Variants in CACNB2 observed in about 807,000 individuals in gnomAD.
CACNB2 encodes voltage-dependent L-type calcium channel subunit beta-2.
Under a neutral mutation model 73.3 loss-of-function variants are expected in CACNB2, and 42 were observed. That is an observed-to-expected ratio of 0.57 (90% CI 0.45 to 0.74). The LOEUF (loss-of-function observed/expected upper bound fraction) is 0.74. CACNB2 is among the 30% of genes least tolerant of loss of function. The probability of loss-of-function intolerance (pLI) is 0.00; values close to 1 mark genes in which losing one functional copy is unlikely to be tolerated. For synonymous variants in CACNB2, 348 were observed against 310.3 expected, an observed-to-expected ratio of 1.12 and a Z score of -1.28; for missense variants, 940 against 853.0, an observed-to-expected ratio of 1.10 and a Z score of -1.27.
chr10:18,168,493 TTC>T (rs2033016137), intron 2 of CACNB2, among the ~76,000 whole-genome samples: 2 of 136,006 alleles, frequency 1.5e-5, no homozygotes, highest in Non-Finnish European at 3.2e-5. Context: ...TCTTTCTTCC[TTC>T]TTTGTGTGTG....
At chr10:18,321,152 G>A (rs1232438171) in intron 2 of CACNB2, among the ~76,000 whole-genome samples, 1 of 152,186 alleles carries the variant, frequency 6.6e-6, no homozygotes, top group African/African-American at 2.4e-5. Context: ...AGGACTTCTG[G>A]TGCATCCCTG....
intron 3 of CACNB2, among the ~76,000 whole-genome samples, chr10:18,414,150 G>A (rs1373900705): frequency 1.3e-5 from 2 of 152,340 alleles, no homozygotes; most frequent in East Asian, 1.9e-4. Context: ...TGCCATGGCA[G>A]GTCAGGTTGC....
chr10:18,498,595 AAC>A lies in CACNB2; in HGVS notation c.456+124_456+125del. 3.1e-6 allele frequency: 3 copies of A among 977,748 alleles called. No homozygotes were observed. In the South Asian group the frequency reaches 3.9e-5, roughly 13 times the overall value. 60.6% of individuals were successfully genotyped at this position (977,748 alleles called of 1,614,324 possible). A position where few individuals can be genotyped will look rare whatever the true frequency, so the allele number is the denominator to read the frequency against. On this transcript the variant is annotated intron_variant, in intron 4 of 13. Coordinates refer to ENST00000324631, the MANE Select transcript of CACNB2 (RefSeq NM_201596.3). ...GCATTGCACATCGCTGCAGTTGTAT[AAC>A]ACACATAACTAAATCAATGGCTCTC...
At chr10:18,159,652 T>C (rs1410041615) in intron 2 of CACNB2, among the ~76,000 whole-genome samples, 3 of 152,212 alleles carry the variant, frequency 2.0e-5, no homozygotes, top group Admixed American at 1.3e-4. Context: ...TTAGTTCAAA[T>C]TGGCTTTAAA....
intron 3 of CACNB2, among the ~76,000 whole-genome samples, chr10:18,474,584 G>C (rs1275902261): frequency 3.9e-5 from 6 of 152,088 alleles, no homozygotes; most frequent in Non-Finnish European, 8.8e-5. Flanking sequence ...TAGTAACAGC[G>C]CACGGCTCCT....
chr10:18,447,769 T>A (rs1219297055), intron 3 of CACNB2, among the ~76,000 whole-genome samples: 1 of 151,494 alleles, frequency 6.6e-6, no homozygotes, highest in African/African-American at 2.4e-5. Flanking sequence ...GGTTAGAGCA[T>A]TGTTAATGAT....
At chr10:18,355,700 G>A (rs1306764701) in intron 2 of CACNB2, among the ~76,000 whole-genome samples, 4 of 150,478 alleles carry the variant, frequency 2.7e-5, no homozygotes, top group African/African-American at 4.9e-5. Context: ...ACAGTGGCGC[G>A]ATCTCGGCTC....
chr10:18,164,451 C>T (rs1166013132), intron 2 of CACNB2, among the ~76,000 whole-genome samples: 1 of 152,080 alleles, frequency 6.6e-6, no homozygotes, highest in Non-Finnish European at 1.5e-5. Context: ...TGAGTAATTA[C>T]CCTCTTTTGG....
At chr10:18,355,127 T>G (rs962961756) in intron 2 of CACNB2, among the ~76,000 whole-genome samples, 1 of 152,174 alleles carries the variant, frequency 6.6e-6, no homozygotes, top group Non-Finnish European at 1.5e-5. Flanking sequence ...ATGCAAATAT[T>G]CCGAAATCCA....
At chr10:18,299,976 C>T (rs1167436845) in intron 2 of CACNB2, among the ~76,000 whole-genome samples, 1 of 151,764 alleles carries the variant, frequency 6.6e-6, no homozygotes, top group African/African-American at 2.4e-5. Context: ...TTCTCCACCA[C>T]TTTCATAGGT....
chr10:18,312,144 A>C (rs373602779), intron 2 of CACNB2, among the ~76,000 whole-genome samples: 46 of 152,340 alleles, frequency 3.0e-4, no homozygotes, highest in African/African-American at 1.1e-3. Flanking sequence ...ACAAATTAAA[A>C]TGATAAATAT....
intron 2 of CACNB2, among the ~76,000 whole-genome samples, chr10:18,277,650 G>A (rs1295946017): frequency 6.6e-6 from 1 of 152,176 alleles, no homozygotes; most frequent in East Asian, 1.9e-4. Context: ...ATTATGAAGT[G>A]AGACATACTT....
chr10:18,498,556 G>A (rs143915127), intron 4 of CACNB2, 79 bp downstream of exon 4: 205 of 1,460,558 alleles, frequency 1.4e-4, no homozygotes, highest in Admixed American at 8.4e-4. Flanking sequence ...TTCATATGCC[G>A]TTTCTGTGAA....
At chr10:18,258,099 A>G (rs781512860) in intron 2 of CACNB2, among the ~76,000 whole-genome samples, 4 of 152,150 alleles carry the variant, frequency 2.6e-5, no homozygotes, top group Admixed American at 6.6e-5. Flanking sequence ...TATTCATTTC[A>G]TATCCCCAGC....
intron 3 of CACNB2, among the ~76,000 whole-genome samples, chr10:18,478,379 G>C (rs1158568567): frequency 6.6e-6 from 1 of 152,158 alleles, no homozygotes; most frequent in Non-Finnish European, 1.5e-5. Flanking sequence ...CTTAAGAATT[G>C]TCTCCAATTG....
intron 2 of CACNB2, among the ~76,000 whole-genome samples, chr10:18,375,669 T>C (rs2042769773): frequency 6.6e-6 from 1 of 152,212 alleles, no homozygotes; most frequent in Non-Finnish European, 1.5e-5. Flanking sequence ...GTGACATCTC[T>C]GATAATCGTA....
chr10:18,299,489 T>G (rs1362953153), intron 2 of CACNB2, among the ~76,000 whole-genome samples: 1 of 152,178 alleles, frequency 6.6e-6, no homozygotes, highest in Non-Finnish European at 1.5e-5. Flanking sequence ...GATATACTAA[T>G]TAGTCTCTTT....
intron 2 of CACNB2, among the ~76,000 whole-genome samples, chr10:18,327,955 G>A (rs1023863044): frequency 6.6e-6 from 1 of 152,170 alleles, no homozygotes; most frequent in Non-Finnish European, 1.5e-5. Context: ...GGAAGTTGAA[G>A]ACATATCAGA....
Position 18,499,617 on chromosome 10 carries a change from GAAAAAAAAAA to G in CACNB2, c.456+1153_456+1162del, listed in dbSNP as rs59492615. ...CGACAGAGTGAGATTCTGTCTCAAA[GAAAAAAAAAA>G]AAAAAAAAAAAAGAACCTAGAAGCC... On this transcript the variant is annotated intron_variant, in intron 4 of 13. Transcript: ENST00000324631. Among the ~76,000 whole-genome samples the G allele has an allele frequency of 2.9e-4, 29 of 99,646 alleles. 1 individual carries two copies. The highest frequency in any genetic ancestry group is 1.4e-3 in the East Asian group (3 of 2,136). The allele number at this position is 99,646 out of a possible 152,430, so 65.4% of individuals were successfully genotyped here. A position where few individuals can be genotyped will look rare whatever the true frequency, so the allele number is the denominator to read the frequency against.
Sources: allele counts gnomAD v4.1 joint callset (sites outside exome capture counted in the v4.1 genomes callset), GRCh38; gene constraint gnomAD v4.1.1; transcripts MANE v1.5; gene names NCBI Gene and HGNC (gene_info 2026-07-23, HGNC 2026-07-21).